SEMA3A: variants seen among roughly 807,000 people sequenced by gnomAD.
SEMA3A encodes semaphorin-3A.
SEMA3A carries 29 observed loss-of-function variants against 97.9 expected under a neutral mutation model. The ratio of observed to expected loss-of-function variants is 0.30; its 90% CI spans 0.22 to 0.40. The LOEUF (loss-of-function observed/expected upper bound fraction) is 0.40. Among genes scored for constraint, SEMA3A ranks in the 10% least tolerant of loss-of-function variants. SEMA3A has a pLI of 1.00. For missense variants in SEMA3A, 763 were observed against 951.3 expected, an observed-to-expected ratio of 0.80 and a Z score of 2.60; for synonymous variants, 321 against 323.7, an observed-to-expected ratio of 0.99 and a Z score of 0.09.
chr7:84,308,638 G>C (rs1199485173), intron 2 of SEMA3A, among the ~76,000 whole-genome samples: 2 of 152,208 alleles, frequency 1.3e-5, no homozygotes, highest in Non-Finnish European at 2.9e-5. Flanking sequence ...GTTGGTGGAA[G>C]ACTTCTCTAA....
At chr7:84,393,218 G>A (rs946617606) in intron 1 of SEMA3A, among the ~76,000 whole-genome samples, 2 of 152,186 alleles carry the variant, frequency 1.3e-5, no homozygotes, top group East Asian at 3.9e-4. Context: ...GAGTGGATTT[G>A]TGTATATGGT....
chr7:84,178,243 G>C (rs1797633496), intron 1 of SEMA3A, among the ~76,000 whole-genome samples: 1 of 151,932 alleles, frequency 6.6e-6, no homozygotes, highest in Admixed American at 6.6e-5. Context: ...GGCCTCTTTT[G>C]CTTTTTTATA....
intron 4 of SEMA3A, among the ~76,000 whole-genome samples, chr7:84,078,915 G>A (rs77203915): frequency 0.062 from 9,476 of 151,950 alleles, 452 homozygotes; most frequent in African/African-American, 0.13. Context: ...TCTTAGTTAC[G>A]TAGATACTAA....
chr7:84,387,758 A>G (rs1803436679), intron 1 of SEMA3A, among the ~76,000 whole-genome samples: 1 of 152,226 alleles, frequency 6.6e-6, no homozygotes, highest in South Asian at 2.1e-4. Context: ...AGAAACTGTT[A>G]GAATGTAGAC....
rs879509476 is a variant in SEMA3A, at chr7:84,151,090, A to G, written c.113-16139T>C. On this transcript the variant is annotated intron_variant, in intron 1 of 16. Coordinates refer to ENST00000265362, the MANE Select transcript of SEMA3A (RefSeq NM_006080.3). ...ACATCCACACCAAAAACCCATCTGT[A>G]CATCACCATCATCAAAGACCAAAAG... Among the ~76,000 whole-genome samples, 1,061 of 149,824 alleles carry G rather than the reference A, an allele frequency of 7.1e-3. 3 individuals carry two copies. The highest frequency in any genetic ancestry group is 0.012 in the Non-Finnish European group (820 of 66,604).
At chr7:84,132,946 A>T (rs113320933) in intron 2 of SEMA3A, among the ~76,000 whole-genome samples, 7 of 152,208 alleles carry the variant, frequency 4.6e-5, no homozygotes, top group African/African-American at 1.7e-4. Context: ...AAATGCTGGG[A>T]TTACAGACAT....
At chr7:84,347,474 C>T (rs1338941941) in intron 2 of SEMA3A, among the ~76,000 whole-genome samples, 1 of 149,170 alleles carries the variant, frequency 6.7e-6, no homozygotes, top group Non-Finnish European at 1.5e-5. Context: ...TGCAATGGCG[C>T]GATCTCAGCT....
chr7:84,006,787 ATAT>A (rs2116400615), intron 10 of SEMA3A, among the ~76,000 whole-genome samples: 1 of 152,290 alleles, frequency 6.6e-6, no homozygotes, highest in Non-Finnish European at 1.5e-5. Context: ...AGCTTGAAAA[ATAT>A]TAATAATTCA....
chr7:84,394,850 A>G (rs573377324), intron 1 of SEMA3A, among the ~76,000 whole-genome samples: 13 of 152,304 alleles, frequency 8.5e-5, no homozygotes, highest in African/African-American at 3.1e-4. Flanking sequence ...GCCTTTCTGA[A>G]GTGGAAATAA....
chr7:84,104,550 T>G (rs1383825937), intron 4 of SEMA3A, among the ~76,000 whole-genome samples: 1 of 152,186 alleles, frequency 6.6e-6, no homozygotes, highest in African/African-American at 2.4e-5. Flanking sequence ...GGAAATCAAG[T>G]CAAAATATAA....
In SEMA3A at chr7:84,419,529, C is replaced by CAA. The variant is rs35358909; in HGVS notation, c.-245-47631_-245-47630dup. 7.6e-3 allele frequency among the ~76,000 whole-genome samples: 1,010 copies of CAA among 132,572 alleles called. 9 individuals are homozygous for CAA. Among genetic ancestry groups the CAA allele is most frequent in the African/African-American group, 0.024 (918 of 37,748 alleles). 87.0% of individuals were successfully genotyped at this position (132,572 alleles called of 152,430 possible). A position where few individuals can be genotyped will look rare whatever the true frequency, so the allele number is the denominator to read the frequency against. On this transcript the variant is annotated intron_variant, in intron 1 of 3. Coordinates refer to the SEMA3A transcript ENST00000424555. ...ACATAATCTCACAGCTGCATGAGACCAAAAAAAAAAAAAAATAGTTGAGAC... is the reference window on the plus strand; with the variant it reads ...ACATAATCTCACAGCTGCATGAGACCAAAAAAAAAAAAAAAAATAGTTGAGAC...
At chr7:84,399,778 C>T (rs1803848982) in intron 1 of SEMA3A, among the ~76,000 whole-genome samples, 1 of 152,156 alleles carries the variant, frequency 6.6e-6, no homozygotes, top group East Asian at 1.9e-4. Flanking sequence ...GTGGCAGTCA[C>T]ACAATAGCAG....
At chr7:83,976,320 A>G (rs1003622494) in intron 15 of SEMA3A, among the ~76,000 whole-genome samples, 5 of 152,218 alleles carry the variant, frequency 3.3e-5, no homozygotes, top group African/African-American at 2.4e-5. Context: ...ATGGCATCAA[A>G]AAAATTAATA....
intron 3 of SEMA3A, among the ~76,000 whole-genome samples, chr7:84,212,548 C>G (rs1299563784): frequency 2.0e-5 from 3 of 152,120 alleles, no homozygotes; most frequent in African/African-American, 7.2e-5. Flanking sequence ...TCTGCAAAAC[C>G]ACTATTCATT....
chr7:84,365,941 T>A (rs1802837821), intron 2 of SEMA3A, among the ~76,000 whole-genome samples: 1 of 151,404 alleles, frequency 6.6e-6, no homozygotes, highest in African/African-American at 2.4e-5. Context: ...ATAATTTACA[T>A]TTGAGTAATT....
At chr7:84,213,575 T>A in intron 3 of SEMA3A, among the ~76,000 whole-genome samples, 1 of 152,238 alleles carries the variant, frequency 6.6e-6, no homozygotes, top group South Asian at 2.1e-4. Flanking sequence ...CATAAGCCAC[T>A]GTACCTGACC....
At chr7:84,313,200 C>T (rs901174933) in intron 2 of SEMA3A, among the ~76,000 whole-genome samples, 1 of 145,248 alleles carries the variant, frequency 6.9e-6, no homozygotes, top group African/African-American at 2.5e-5. Flanking sequence ...ATTGATATTG[C>T]TAGAAAAGTT....
At chr7:83,982,739 T>C (rs1175615540) in intron 13 of SEMA3A, among the ~76,000 whole-genome samples, 1 of 152,118 alleles carries the variant, frequency 6.6e-6, no homozygotes, top group African/African-American at 2.4e-5. Flanking sequence ...TAGTTAACAA[T>C]GAATATAAAT....
At chr7:84,245,464 A>G (rs1799456966) in intron 3 of SEMA3A, among the ~76,000 whole-genome samples, 1 of 151,604 alleles carries the variant, frequency 6.6e-6, no homozygotes, top group Admixed American at 6.6e-5. Flanking sequence ...TCTTCTCTAA[A>G]CTGGTTATTC....
Sources: gnomAD v4.1 joint callset for allele counts (sites outside exome capture counted in the v4.1 genomes callset) on GRCh38, gnomAD v4.1.1 for gene constraint, MANE v1.5 for transcripts, NCBI Gene and HGNC (gene_info 2026-07-23, HGNC 2026-07-21) for gene names.